The following WDR27 variants were observed in gnomAD, a reference collection of about 807,000 sequenced individuals.
The protein encoded by WDR27 is WD repeat domain 27, also known as WD repeat-containing protein 27.
In WDR27, 100 loss-of-function variants were observed where a neutral mutation model predicts 114.4. The observed-to-expected ratio is 0.87, with a 90% CI of 0.74 to 1.03. The LOEUF (loss-of-function observed/expected upper bound fraction) is 1.03. Among genes scored for constraint, WDR27 ranks in the 50% least tolerant of loss-of-function variants. The probability of loss-of-function intolerance (pLI) is 0.00; values close to 1 mark genes in which losing one functional copy is unlikely to be tolerated. For synonymous variants in WDR27, 449 were observed against 423.1 expected (o/e 1.06, Z -0.75); for missense variants, 1,129 against 1,092.9 (o/e 1.03, Z -0.47).
chr6:169,647,550 G>A, intron 16 of WDR27: 1 of 618,946 alleles, frequency 1.6e-6, no homozygotes, highest in South Asian at 1.9e-5. Context: ...GCCAGTGTCT[G>A]TGCCCACGCA....
At chr6:169,676,164 T>A (rs1379909639) in intron 2 of WDR27, among the ~76,000 whole-genome samples, 4 of 152,172 alleles carry the variant, frequency 2.6e-5, no homozygotes, top group Non-Finnish European at 5.9e-5. Flanking sequence ...TCCTCACTTG[T>A]GCAGCCTGCA....
intron 24 of WDR27, among the ~76,000 whole-genome samples, chr6:169,576,793 AAAAAGG>A (rs1562614895): frequency 3.3e-5 from 5 of 152,132 alleles, no homozygotes; most frequent in South Asian, 4.2e-4. Flanking sequence ...AGAAAAGAAA[AAAAAGG>A]AAAAGGAAAA....
chr6:169,511,466 A>G (rs759744300), intron 25 of WDR27, among the ~76,000 whole-genome samples: 1 of 152,142 alleles, frequency 6.6e-6, no homozygotes, highest in Non-Finnish European at 1.5e-5. Context: ...GCTAACTTTG[A>G]ACCCCAAATA....
At chr6:169,630,035 T>C (rs900509561) in intron 21 of WDR27, among the ~76,000 whole-genome samples, 5 of 152,144 alleles carry the variant, frequency 3.3e-5, no homozygotes, top group Non-Finnish European at 7.3e-5. Context: ...AATGACAATG[T>C]TTAAGAAATT....
intron 13 of WDR27, among the ~76,000 whole-genome samples, chr6:169,652,264 G>A (rs1441718366): frequency 6.6e-6 from 1 of 152,340 alleles, no homozygotes; most frequent in East Asian, 1.9e-4. Context: ...TGTTGTTGTT[G>A]TTGAGACGGA....
Position 169,670,618 on chromosome 6 carries a change from T to A in WDR27, c.407A>T (p.His136Leu). ...GTTTCCAGCACACACGGCAACAACA[T>A]GATCATCCAGGCTCAACTGTAAACA... ...VLCLQLSLDDHVVAVCAGNKI... is the reference protein window; with the variant it reads ...VLCLQLSLDDLVVAVCAGNKI... Residue 136 changes from histidine to leucine, a missense_variant, in exon 4 of 26, where the codon CAT (histidine) becomes CTT (leucine). Physicochemically the swap from His to Leu is moderately conservative, Grantham distance 99. Transcript: ENST00000448612. 2 of 1,614,010 alleles carry A rather than the reference T, an allele frequency of 1.2e-6. No individual in the cohort carries two copies. Among genetic ancestry groups the A allele is most frequent in the African/African-American group, 2.7e-5 (2 of 75,052 alleles).
chr6:169,529,942 G>T (rs576760068), intron 25 of WDR27, among the ~76,000 whole-genome samples: 1 of 152,296 alleles, frequency 6.6e-6, no homozygotes, highest in South Asian at 2.1e-4. Flanking sequence ...GGAATCCTAT[G>T]TGTTGAGTAT....
At chr6:169,635,115 C>T (rs1238268045) in intron 19 of WDR27, among the ~76,000 whole-genome samples, 1 of 152,168 alleles carries the variant, frequency 6.6e-6, no homozygotes, top group Non-Finnish European at 1.5e-5. Flanking sequence ...TGCCTGTAAT[C>T]CCAGCACTTT....
chr6:169,518,779 C>A (rs1395845930), intron 25 of WDR27, among the ~76,000 whole-genome samples: 1 of 152,192 alleles, frequency 6.6e-6, no homozygotes, highest in Non-Finnish European at 1.5e-5. Context: ...CTTTTTCTTT[C>A]TCTGCCACAT....
chr6:169,621,610 G>T (rs527775606), intron 21 of WDR27, among the ~76,000 whole-genome samples: 1 of 144,344 alleles, frequency 6.9e-6, no homozygotes, highest in African/African-American at 2.6e-5. Context: ...ACCCACACAT[G>T]CATTCACGCA....
rs183856172 is a variant in WDR27 at position 169,521,505 on chromosome 6, G to T, written c.2645+50914C>A. Among the ~76,000 whole-genome samples, 187 of 152,152 alleles carry T rather than the reference G, an allele frequency of 1.2e-3. 1 individual carries two copies. The highest frequency in any genetic ancestry group is 4.4e-3 in the African/African-American group (183 of 41,550). On this transcript the variant is annotated intron_variant, in intron 25 of 25. Transcript: ENST00000448612. ...TTAGTGCATTAGACAAACCCAAAAT[G>T]CTCTACTACTATAATTGTGGTGTTC... is the stretch of plus-strand genomic sequence containing the variant.
the WDR27 span, among the ~76,000 whole-genome samples, chr6:169,447,337 A>T: frequency 6.6e-6 from 1 of 152,210 alleles, no homozygotes; most frequent in Non-Finnish European, 1.5e-5. Context: ...TCCTCAACAA[A>T]TCTTTTATAA....
intron 25 of WDR27, among the ~76,000 whole-genome samples, chr6:169,567,507 C>T (rs1014433013): frequency 1.3e-5 from 2 of 152,086 alleles, no homozygotes; most frequent in African/African-American, 2.4e-5. Flanking sequence ...GGCTCCCTGA[C>T]GCTCCCCAAC....
intron 14 of WDR27, among the ~76,000 whole-genome samples, chr6:169,650,653 C>T (rs1359292059): frequency 6.7e-6 from 1 of 150,184 alleles, no homozygotes; most frequent in Non-Finnish European, 1.5e-5. Flanking sequence ...TCCATCCCCA[C>T]CATCCATCCA....
chr6:169,595,299 T>A (rs1806562897), intron 23 of WDR27, among the ~76,000 whole-genome samples: 1 of 152,230 alleles, frequency 6.6e-6, no homozygotes, highest in African/African-American at 2.4e-5. Flanking sequence ...ATCTAGATAG[T>A]TCTTTGGGCA....
intron 15 of WDR27, among the ~76,000 whole-genome samples, chr6:169,648,290 C>T (rs1047712581): frequency 6.6e-6 from 1 of 152,160 alleles, no homozygotes; most frequent in African/African-American, 2.4e-5. Flanking sequence ...CAATGCCTTC[C>T]GTGCACACGC....
intron 21 of WDR27, among the ~76,000 whole-genome samples, chr6:169,626,550 C>T (rs1413088547): frequency 6.6e-6 from 1 of 152,218 alleles, no homozygotes; most frequent in Non-Finnish European, 1.5e-5. Flanking sequence ...TTCCCTGACC[C>T]CGCCTTGTTC....
intron 23 of WDR27, among the ~76,000 whole-genome samples, chr6:169,595,526 T>C (rs1806613884): frequency 6.6e-6 from 1 of 152,208 alleles, no homozygotes; most frequent in Non-Finnish European, 1.5e-5. Flanking sequence ...TTTAAGAGTT[T>C]ACAATTCTAT....
At position 169,590,362 on chromosome 6, in the gene WDR27, G is replaced by A. The variant is rs991104331; in HGVS notation, c.2425-7428C>T. Among the ~76,000 whole-genome samples, 6 of 152,308 alleles carry A rather than the reference G, an allele frequency of 3.9e-5. 1 individual carries two copies. Among genetic ancestry groups the A allele is most frequent in the Admixed American group, 2.6e-4 (4 of 15,304 alleles). ...TATTATGCTCACTTATTTTGCTTTTGAAAATAATTCCAGAAATGATATTTT... is the reference window on the plus strand; with the variant it reads ...TATTATGCTCACTTATTTTGCTTTTAAAAATAATTCCAGAAATGATATTTT... On this transcript the variant is annotated intron_variant, in intron 23 of 25. Transcript: ENST00000448612.
Sources: gnomAD v4.1 joint callset for allele counts (sites outside exome capture counted in the v4.1 genomes callset) on GRCh38, gnomAD v4.1.1 for gene constraint, MANE v1.5 for transcripts, NCBI Gene and HGNC (gene_info 2026-07-23, HGNC 2026-07-21) for gene names.